Variants in CNTNAP2 observed in about 807,000 individuals in gnomAD.
The protein encoded by CNTNAP2 is contactin-associated protein-like 2.
A neutral mutation model predicts 155.2 loss-of-function variants in CNTNAP2; 98 were observed. The ratio of observed to expected loss-of-function variants is 0.63; its 90% CI spans 0.54 to 0.75. The LOEUF (loss-of-function observed/expected upper bound fraction) is 0.75, where lower values mean the gene tolerates loss of function less well. CNTNAP2 is among the 30% of genes least tolerant of loss of function. CNTNAP2 has a pLI of 0.00. For missense variants in CNTNAP2, 1,727 were observed against 1,688.1 expected (o/e 1.02, Z -0.40); for synonymous variants, 651 against 631.2 (o/e 1.03, Z -0.47).
chr7:146,325,692 T>G (rs1346058157), intron 1 of CNTNAP2, among the ~76,000 whole-genome samples: 1 of 152,082 alleles, frequency 6.6e-6, no homozygotes, highest in Non-Finnish European at 1.5e-5. Context: ...ATGACAGGTA[T>G]TTAATGCATC....
In CNTNAP2 at chr7:147,210,463, G is replaced by T. The variant is rs149985745; in HGVS notation, c.1348+77954G>T. ...TGTCACCTTTGTCATTTTTTAATATGCTTATTTAAATCTTCTCTCAGATTT... is the reference window on the plus strand; with the variant it reads ...TGTCACCTTTGTCATTTTTTAATATTCTTATTTAAATCTTCTCTCAGATTT... On this transcript the variant is annotated intron_variant, in intron 8 of 23. Transcript: ENST00000361727. Among the ~76,000 whole-genome samples the T allele has an allele frequency of 1.3e-3, 202 of 151,044 alleles. 1 individual carries two copies. The highest frequency in any genetic ancestry group is 4.6e-3 in the African/African-American group (188 of 40,888).
At chr7:148,346,840 C>T (rs1257920683) in intron 21 of CNTNAP2, among the ~76,000 whole-genome samples, 2 of 151,730 alleles carry the variant, frequency 1.3e-5, no homozygotes, top group Admixed American at 6.6e-5. Flanking sequence ...CAACCTAATA[C>T]TTAGAAAGAT....
At chr7:146,887,392 G>A (rs1268240582) in intron 3 of CNTNAP2, among the ~76,000 whole-genome samples, 1 of 151,974 alleles carries the variant, frequency 6.6e-6, no homozygotes, top group Non-Finnish European at 1.5e-5. Context: ...GGCCAGGCTG[G>A]TCTCCAACTC....
At chr7:147,542,005 A>G (rs1321386620) in intron 11 of CNTNAP2, among the ~76,000 whole-genome samples, 1 of 152,194 alleles carries the variant, frequency 6.6e-6, no homozygotes, top group African/African-American at 2.4e-5. Context: ...AATTTCAGGT[A>G]GTTCAGGTCC....
intron 1 of CNTNAP2, among the ~76,000 whole-genome samples, chr7:146,166,163 G>T (rs1014429122): frequency 5.3e-5 from 8 of 152,034 alleles, no homozygotes; most frequent in South Asian, 4.2e-4. Context: ...GGATGGTCTT[G>T]GCTCACTGCA....
chr7:147,405,101 C>T (rs1229012624), intron 10 of CNTNAP2, among the ~76,000 whole-genome samples: 1 of 152,080 alleles, frequency 6.6e-6, no homozygotes, highest in Non-Finnish European at 1.5e-5. Context: ...ATTTAAATCC[C>T]AAGGAAGGCT....
chr7:147,931,451 CATTTCCCTGACACCAAAG>C (rs2116799081), intron 14 of CNTNAP2, among the ~76,000 whole-genome samples: 1 of 152,206 alleles, frequency 6.6e-6, no homozygotes, highest in East Asian at 1.9e-4. Context: ...ATAAGGCCAG[CATTTCCCTGACACCAAAG>C]CCAGACAAGA....
chr7:146,585,398 G>T (rs760385182), intron 1 of CNTNAP2, among the ~76,000 whole-genome samples: 8 of 152,076 alleles, frequency 5.3e-5, no homozygotes, highest in Admixed American at 1.3e-4. Flanking sequence ...GGGATTACAG[G>T]TGTGAGCTAC....
At chr7:146,161,848 A>C (rs1798228276) in intron 1 of CNTNAP2, among the ~76,000 whole-genome samples, 1 of 152,206 alleles carries the variant, frequency 6.6e-6, no homozygotes, top group Admixed American at 6.5e-5. Context: ...AGCCCTCAGA[A>C]ATAATACCAC....
intron 1 of CNTNAP2, among the ~76,000 whole-genome samples, chr7:146,480,960 A>G (rs1231232638): frequency 6.6e-6 from 1 of 151,550 alleles, no homozygotes; most frequent in Non-Finnish European, 1.5e-5. Context: ...TACCACAGGC[A>G]TGAGCCACCG....
At chr7:147,426,546 T>G (rs962851368) in intron 10 of CNTNAP2, among the ~76,000 whole-genome samples, 10 of 152,308 alleles carry the variant, frequency 6.6e-5, no homozygotes, top group African/African-American at 2.4e-4. Context: ...GTACTTTTTC[T>G]AATGTATCCT....
intron 8 of CNTNAP2, among the ~76,000 whole-genome samples, chr7:147,182,424 T>C (rs1021446079): frequency 6.6e-6 from 1 of 152,148 alleles, no homozygotes; most frequent in Non-Finnish European, 1.5e-5. Flanking sequence ...GATATAGTCA[T>C]GTAGCACATT....
intron 13 of CNTNAP2, among the ~76,000 whole-genome samples, chr7:147,792,138 A>G (rs146970450): frequency 4.3e-4 from 66 of 152,284 alleles, no homozygotes; most frequent in African/African-American, 1.6e-3. Flanking sequence ...TCCACGTATT[A>G]TAGTATATTA....
intron 1 of CNTNAP2, among the ~76,000 whole-genome samples, chr7:146,478,803 G>T (rs1462779593): frequency 6.6e-6 from 1 of 151,944 alleles, no homozygotes; most frequent in Non-Finnish European, 1.5e-5. Context: ...TGAAAGTTTT[G>T]GGGGCTCAAG....
At chr7:147,823,454 T>A (rs1798393643) in intron 13 of CNTNAP2, among the ~76,000 whole-genome samples, 1 of 152,156 alleles carries the variant, frequency 6.6e-6, no homozygotes, top group East Asian at 1.9e-4. Context: ...ACTTCGTATA[T>A]CAGCACGTTG....
intron 1 of CNTNAP2, among the ~76,000 whole-genome samples, chr7:146,344,990 T>C (rs1029847250): frequency 3.9e-5 from 6 of 152,316 alleles, no homozygotes; most frequent in African/African-American, 1.4e-4. Context: ...AATGTTAGAA[T>C]GCAAGGTCAA....
chr7:148,009,442 G>A (rs1021865552), intron 15 of CNTNAP2, among the ~76,000 whole-genome samples: 6 of 152,142 alleles, frequency 3.9e-5, no homozygotes, highest in Non-Finnish European at 7.4e-5. Context: ...GGACAGGAGA[G>A]CTAGTAACAA....
chr7:148,278,349 G>A (rs535236827), intron 21 of CNTNAP2, among the ~76,000 whole-genome samples: 5 of 152,118 alleles, frequency 3.3e-5, no homozygotes, highest in South Asian at 4.2e-4. Flanking sequence ...GGCAGATCAC[G>A]AGGTCAGGAG....
chr7:146,160,632 C>T (rs550431052), intron 1 of CNTNAP2, among the ~76,000 whole-genome samples: 4 of 152,222 alleles, frequency 2.6e-5, no homozygotes, highest in African/African-American at 9.6e-5. Flanking sequence ...GACACATATA[C>T]CCTCCCAAGA....
Sources: allele counts gnomAD v4.1 joint callset (sites outside exome capture counted in the v4.1 genomes callset), GRCh38; gene constraint gnomAD v4.1.1; transcripts MANE v1.5; gene names NCBI Gene and HGNC (gene_info 2026-07-23, HGNC 2026-07-21).